SGCZ: variants seen among roughly 807,000 people sequenced by gnomAD.
The protein encoded by SGCZ is sarcoglycan zeta.
SGCZ carries 40 observed loss-of-function variants against 41.3 expected under a neutral mutation model. That is an observed-to-expected ratio of 0.97 (90% CI 0.75 to 1.26). The LOEUF (loss-of-function observed/expected upper bound fraction) is 1.26. Ranked by LOEUF, SGCZ falls within the 50% of genes most tolerant of loss-of-function variation. The probability of loss-of-function intolerance (pLI) is 0.00; values close to 1 mark genes in which losing one functional copy is unlikely to be tolerated. For synonymous variants in SGCZ, 206 were observed against 137.5 expected (o/e 1.50, Z -3.49); for missense variants, 552 against 369.8 (o/e 1.49, Z -4.04).
intron 2 of SGCZ, among the ~76,000 whole-genome samples, chr8:14,505,004 G>C (rs894704848): frequency 1.3e-5 from 2 of 151,778 alleles, no homozygotes; most frequent in Non-Finnish European, 2.9e-5. Flanking sequence ...TTGCAGTTTT[G>C]ATACTCCTAG....
At chr8:14,710,729 T>C (rs1809489512) in intron 1 of SGCZ, among the ~76,000 whole-genome samples, 1 of 152,156 alleles carries the variant, frequency 6.6e-6, no homozygotes, top group African/African-American at 2.4e-5. Context: ...AACCTACTTT[T>C]ATAGAACCAA....
chr8:14,686,836 G>C (rs1808626541), intron 1 of SGCZ, among the ~76,000 whole-genome samples: 1 of 152,074 alleles, frequency 6.6e-6, no homozygotes, highest in Non-Finnish European at 1.5e-5. Context: ...CAGCTAAAGA[G>C]AGTAAGATGA....
At chr8:14,902,885 C>G (rs1179542192) in intron 1 of SGCZ, among the ~76,000 whole-genome samples, 1 of 151,998 alleles carries the variant, frequency 6.6e-6, no homozygotes, top group South Asian at 2.1e-4. Flanking sequence ...ATATTTATTT[C>G]TAATGAATAT....
intron 1 of SGCZ, among the ~76,000 whole-genome samples, chr8:14,648,743 G>A (rs1302978552): frequency 2.6e-5 from 4 of 151,950 alleles, no homozygotes; most frequent in Non-Finnish European, 5.9e-5. Flanking sequence ...TAGGCTATTT[G>A]CATCATAGTT....
chr8:14,604,544 C>T (rs939679845), intron 1 of SGCZ, among the ~76,000 whole-genome samples: 6 of 152,078 alleles, frequency 3.9e-5, no homozygotes, highest in African/African-American at 1.4e-4. Flanking sequence ...TGTACACTGA[C>T]TTTTAGAAGG....
intron 1 of SGCZ, among the ~76,000 whole-genome samples, chr8:15,226,189 AC>A (rs1563194689): frequency 1.3e-5 from 2 of 151,802 alleles, no homozygotes; most frequent in African/African-American, 4.8e-5. Context: ...CTACCTACCT[AC>A]CTCCCTACTT....
At chr8:15,165,515 C>G (rs1346663437) in intron 1 of SGCZ, among the ~76,000 whole-genome samples, 2 of 152,080 alleles carry the variant, frequency 1.3e-5, no homozygotes, top group Non-Finnish European at 2.9e-5. Context: ...TTTGATATGG[C>G]CTGGGGACAT....
intron 1 of SGCZ, among the ~76,000 whole-genome samples, chr8:14,594,007 TC>T (rs1805324562): frequency 1.3e-5 from 2 of 151,802 alleles, no homozygotes; most frequent in African/African-American, 4.8e-5. Flanking sequence ...AAACCCTGCT[TC>T]TTCTAAAAAT....
chr8:14,645,780 A>T (rs1807194118), intron 1 of SGCZ, among the ~76,000 whole-genome samples: 1 of 151,692 alleles, frequency 6.6e-6, no homozygotes. Context: ...ATATCTGTTG[A>T]TTGATACACT....
At chr8:14,541,457 C>T (rs576224185) in intron 2 of SGCZ, among the ~76,000 whole-genome samples, 67 of 152,104 alleles carry the variant, frequency 4.4e-4, no homozygotes, top group Non-Finnish European at 8.4e-4. Flanking sequence ...CCCATGTCCC[C>T]GCAAAGGACA....
chr8:14,188,948 C>A (rs981443631), intron 4 of SGCZ, among the ~76,000 whole-genome samples: 1 of 151,362 alleles, frequency 6.6e-6, no homozygotes, highest in Non-Finnish European at 1.5e-5. Flanking sequence ...CTCCATCACC[C>A]GGGTTCAAGC....
chr8:14,369,960 T>A (rs1803852304), intron 2 of SGCZ, among the ~76,000 whole-genome samples: 1 of 152,034 alleles, frequency 6.6e-6, no homozygotes, highest in Admixed American at 6.6e-5. Flanking sequence ...TAAAATCCAT[T>A]TACTGTTAAT....
chr8:14,963,996 G>A (rs559967215), intron 1 of SGCZ, among the ~76,000 whole-genome samples: 14 of 152,242 alleles, frequency 9.2e-5, no homozygotes, highest in Non-Finnish European at 1.6e-4. Flanking sequence ...GGTCACAAGC[G>A]TAAATAAAAC....
At chr8:14,369,792 T>A (rs1013989728) in intron 2 of SGCZ, among the ~76,000 whole-genome samples, 8 of 152,014 alleles carry the variant, frequency 5.3e-5, no homozygotes, top group African/African-American at 1.9e-4. Context: ...CTGCTTAAAT[T>A]GCCCAATTAA....
chr8:15,006,146 C>A (rs1031353097), intron 1 of SGCZ, among the ~76,000 whole-genome samples: 2 of 152,016 alleles, frequency 1.3e-5, no homozygotes, highest in African/African-American at 4.8e-5. Flanking sequence ...GGAATAAATA[C>A]AAAACATATT....
Position 14,633,491 on chromosome 8 carries a change from A to G in SGCZ, c.40-78565T>C, listed in dbSNP as rs990365824. Among the ~76,000 whole-genome samples the G allele has an allele frequency of 2.6e-5, 4 of 152,022 alleles. No individual in the cohort carries two copies. The South Asian group carries it at 8.3e-4, about 31-fold the overall frequency. On this transcript the variant is annotated intron_variant, in intron 1 of 7. Transcript: ENST00000382080. ...AGCAAAATAAATACATTCTTAAGCAAAATCATTTATTATTTATTAGCAAGC... is the reference window on the plus strand; with the variant it reads ...AGCAAAATAAATACATTCTTAAGCAGAATCATTTATTATTTATTAGCAAGC...
intron 1 of SGCZ, among the ~76,000 whole-genome samples, chr8:14,858,486 C>A (rs1042364970): frequency 3.9e-5 from 6 of 152,084 alleles, no homozygotes; most frequent in African/African-American, 1.4e-4. Context: ...AAAATCTGGA[C>A]TCACACAGAT....
At chr8:14,919,174 C>T (rs1227458226) in intron 1 of SGCZ, among the ~76,000 whole-genome samples, 2 of 152,162 alleles carry the variant, frequency 1.3e-5, no homozygotes, top group Non-Finnish European at 2.9e-5. Context: ...CGAGGTGGCT[C>T]AAGCCTGTAA....
chr8:14,832,662 C>G (rs1222358154), intron 1 of SGCZ, among the ~76,000 whole-genome samples: 1 of 152,046 alleles, frequency 6.6e-6, no homozygotes, highest in Non-Finnish European at 1.5e-5. Context: ...TGGTAATGTT[C>G]TCTTTGTTAT....
Sources: gnomAD v4.1 joint callset for allele counts (sites outside exome capture counted in the v4.1 genomes callset) on GRCh38, gnomAD v4.1.1 for gene constraint, MANE v1.5 for transcripts, NCBI Gene and HGNC (gene_info 2026-07-23, HGNC 2026-07-21) for gene names.